STYK1: variants seen among roughly 807,000 people sequenced by gnomAD.
STYK1 encodes the protein STY kinase 1.
A neutral mutation model predicts 48.1 loss-of-function variants in STYK1; 46 were observed. The ratio of observed to expected loss-of-function variants is 0.96; its 90% CI spans 0.75 to 1.22. The LOEUF (loss-of-function observed/expected upper bound fraction) is 1.22, where lower values mean the gene tolerates loss of function less well. STYK1 is among the 50% of genes most tolerant of loss of function. The pLI is 0.00. For missense variants in STYK1, 527 were observed against 521.1 expected (o/e 1.01, Z -0.11); for synonymous variants, 188 against 189.0 (o/e 0.99, Z 0.04).
intron 1 of STYK1, among the ~76,000 whole-genome samples, chr12:10,643,217 A>T (rs910385197): frequency 6.6e-6 from 1 of 152,120 alleles, no homozygotes; most frequent in Non-Finnish European, 1.5e-5. Flanking sequence ...AATCAATCCT[A>T]AGTGAGATTG....
At chr12:10,620,384 A>G (rs1870194) in intron 10 of STYK1, 36 bp from the exon 11 acceptor site, 591,910 of 1,600,866 alleles carry the variant, frequency 0.37, 116,157 homozygotes, top group East Asian at 0.77. Context: ...CTTCCTTGAC[A>G]AGGCAAATGT....
intron 10 of STYK1, 61 bp from the exon 11 acceptor site, chr12:10,620,409 T>C (rs548157491): frequency 1.3e-6 from 2 of 1,505,738 alleles, no homozygotes; most frequent in African/African-American, 2.8e-5. Flanking sequence ...GGAGCATGTC[T>C]CCTCTCCTCA....
chr12:10,650,012 G>A lies in STYK1; in HGVS notation c.-194-12816C>T, dbSNP rs573440045. ...CCCTGTAGTCCCAGCTACTCGGGAG[G>A]CGGAGGCAGGAGAATGGCATCAACC... is the stretch of plus-strand genomic sequence containing the variant. On this transcript the variant is annotated intron_variant, in intron 1 of 10. Coordinates refer to ENST00000075503, the MANE Select transcript of STYK1 (RefSeq NM_018423.3). Among the ~76,000 whole-genome samples, 187 of 151,308 alleles carry A rather than the reference G, an allele frequency of 1.2e-3. 2 individuals are homozygous for A. The highest frequency in any genetic ancestry group is 4.3e-3 in the African/African-American group (179 of 41,212).
At chr12:10,629,851 T>A (rs190227175) in intron 5 of STYK1, among the ~76,000 whole-genome samples, 177 bp from the exon 6 acceptor site, 209 of 152,342 alleles carry the variant, frequency 1.4e-3, no homozygotes, top group African/African-American at 4.8e-3. Context: ...ATGTCACTGA[T>A]CTTTTATCAA....
chr12:10,654,367 C>A (rs570459230), intron 1 of STYK1, among the ~76,000 whole-genome samples: 1 of 152,300 alleles, frequency 6.6e-6, no homozygotes, highest in South Asian at 2.1e-4. Flanking sequence ...AATGTGCTTT[C>A]ACTTTACTCT....
intron 1 of STYK1, among the ~76,000 whole-genome samples, chr12:10,673,001 T>C (rs1462095666): frequency 1.3e-5 from 2 of 151,976 alleles, no homozygotes; most frequent in Non-Finnish European, 2.9e-5. Flanking sequence ...GACTCCTTTA[T>C]TGCCACTACT....
chr12:10,629,428 A>T, intron 6 of STYK1, 65 bp downstream of exon 6: 1 of 1,533,110 alleles, frequency 6.5e-7, no homozygotes, highest in African/African-American at 1.4e-5. Context: ...ACACTAACTG[A>T]CATGTAAAAA....
At chr12:10,620,455 G>T in intron 10 of STYK1, 107 bp from the exon 11 acceptor site, 1 of 1,026,834 alleles carries the variant, frequency 9.7e-7, no homozygotes, top group Non-Finnish European at 1.5e-6. Context: ...TTCTTTAATT[G>T]TCTTCTGTTT....
rs1947905601 is a variant in STYK1, at chr12:10,672,968, T to C, written c.-195+998A>G. On this transcript the variant is annotated intron_variant, in intron 1 of 10. Transcript: ENST00000075503. The surrounding 1 kb of genome is among the most constrained non-coding windows in gnomAD (Gnocchi z 4.0). The stretch of plus-strand genomic sequence containing the variant: ...GTTTCCAGGTGTATTTCAGTTGAGC[T>C]GTGCTGCACATTACAGTAACTCGAC... Among the ~76,000 whole-genome samples, 1 of 152,182 alleles carries C rather than the reference T, an allele frequency of 6.6e-6. No homozygotes were observed. The highest frequency in any genetic ancestry group is 1.5e-5 in the Non-Finnish European group (1 of 68,036).
chr12:10,620,274 AG>A lies in STYK1; in HGVS notation c.1138del (p.Leu380Ter). ...RPSPRELRLR[L>X]EAAIKTADDE... Reference sequence around the variant, plus strand: ...ATCTGCAGTTTTAATGGCAGCTTCTAGGCGCAAGCGCAGCTCTCTAGGTGAG... The same window carrying A: ...ATCTGCAGTTTTAATGGCAGCTTCTAGCGCAAGCGCAGCTCTCTAGGTGAG... On this transcript the variant is annotated frameshift_variant, in exon 11 of 11. Coordinates refer to ENST00000075503, the MANE Select transcript of STYK1 (RefSeq NM_018423.3). LOFTEE classifies it high-confidence loss of function. 2 of 1,614,126 alleles carry A rather than the reference AG, an allele frequency of 1.2e-6. No homozygotes were observed. Among genetic ancestry groups the A allele is most frequent in the Non-Finnish European group, 1.7e-6 (2 of 1,180,046 alleles).
intron 1 of STYK1, among the ~76,000 whole-genome samples, chr12:10,649,851 G>A (rs1283331287): frequency 1.3e-5 from 2 of 152,126 alleles, no homozygotes; most frequent in African/African-American, 4.8e-5. Context: ...AGTGGTTCAC[G>A]CCGGTAATCC....
At chr12:10,666,433 C>T (rs1947834276) in intron 1 of STYK1, among the ~76,000 whole-genome samples, 2 of 152,330 alleles carry the variant, frequency 1.3e-5, no homozygotes, top group South Asian at 4.1e-4. Context: ...ACAAACCCTG[C>T]ATTCATCTCC....
Position 10,629,473 on chromosome 12 carries a change from A to C in STYK1, c.633+20T>G, listed in dbSNP as rs1591678148. 1 of 1,612,524 alleles carries C rather than the reference A, an allele frequency of 6.2e-7. No individual in the cohort carries two copies. Among genetic ancestry groups the C allele is most frequent in the Non-Finnish European group, 8.5e-7 (1 of 1,179,624 alleles). ...CAAGGTCAAGCCTTAACCTCCTAAT[A>C]CCTCTGCCCTACTGCTCACCCGCCG... On this transcript the variant is annotated intron_variant, in intron 6 of 10. Coordinates refer to ENST00000075503, the MANE Select transcript of STYK1 (RefSeq NM_018423.3).
chr12:10,619,781 T>A lies in STYK1; in HGVS notation c.*363A>T. On this transcript the variant is annotated 3_prime_UTR_variant, in exon 11 of 11. Coordinates refer to ENST00000075503, the MANE Select transcript of STYK1 (RefSeq NM_018423.3). ...CTATTCCTTCATTTCATTCCAAATTTTCATCTAGATAAAAATGTGGTTCCA... is the reference window on the plus strand; with the variant it reads ...CTATTCCTTCATTTCATTCCAAATTATCATCTAGATAAAAATGTGGTTCCA... The A allele has an allele frequency of 2.5e-6, 1 of 397,960 alleles. No individual in the cohort carries two copies. Among genetic ancestry groups the A allele is most frequent in the Non-Finnish European group, 4.4e-6 (1 of 225,490 alleles). The allele number at this position is 397,960 out of a possible 1,614,324, so 24.7% of individuals were successfully genotyped here. A position where few individuals can be genotyped will look rare whatever the true frequency, so the allele number is the denominator to read the frequency against.
chr12:10,660,523 G>A (rs576461195), intron 1 of STYK1, among the ~76,000 whole-genome samples: 2 of 102,416 alleles, frequency 2.0e-5, no homozygotes, highest in South Asian at 7.6e-4. Flanking sequence ...TAGCAACTGG[G>A]TAAAATGAGG....
intron 1 of STYK1, among the ~76,000 whole-genome samples, chr12:10,665,096 C>T (rs1947820460): frequency 6.6e-6 from 1 of 152,158 alleles, no homozygotes; most frequent in Non-Finnish European, 1.5e-5. Context: ...AAATCAAGGT[C>T]ACTTGGGGTT....
intron 8 of STYK1, among the ~76,000 whole-genome samples, 167 bp from the exon 9 acceptor site, chr12:10,622,845 G>A (rs1474395986): frequency 6.6e-6 from 1 of 152,152 alleles, no homozygotes; most frequent in Admixed American, 6.5e-5. Flanking sequence ...AAGCATTTCT[G>A]CTCAATTTCC....
intron 4 of STYK1, among the ~76,000 whole-genome samples, chr12:10,632,613 T>C (rs941924621): frequency 1.3e-5 from 2 of 152,182 alleles, no homozygotes; most frequent in African/African-American, 4.8e-5. Flanking sequence ...CTAACAGGAC[T>C]GACTGTATTA....
intron 1 of STYK1, among the ~76,000 whole-genome samples, chr12:10,669,760 A>G (rs1204761175): frequency 6.6e-6 from 1 of 152,232 alleles, no homozygotes; most frequent in Non-Finnish European, 1.5e-5. Context: ...TATCCAAAAT[A>G]CATAGGGAAC....
Sources: gnomAD v4.1 joint callset for allele counts (sites outside exome capture counted in the v4.1 genomes callset) on GRCh38, gnomAD v4.1.1 for gene constraint, Gnocchi (gnomAD v3.1) non-coding constraint, MANE v1.5 for transcripts, NCBI Gene and HGNC (gene_info 2026-07-23, HGNC 2026-07-21) for gene names.